The following SNX29 variants were observed in gnomAD, a reference collection of about 807,000 sequenced individuals.
SNX29 encodes sorting nexin 29, also known as sorting nexin-29.
A neutral mutation model predicts 102.1 loss-of-function variants in SNX29; 78 were observed. The ratio of observed to expected loss-of-function variants is 0.76; its 90% CI spans 0.64 to 0.92. The LOEUF (loss-of-function observed/expected upper bound fraction) is 0.92, where lower values mean the gene tolerates loss of function less well. Among genes scored for constraint, SNX29 ranks in the 40% least tolerant of loss-of-function variants. SNX29 has a pLI of 0.00. For missense variants in SNX29, 1,280 were observed against 1,061.7 expected, an observed-to-expected ratio of 1.21 and a Z score of -2.86; for synonymous variants, 580 against 414.5, an observed-to-expected ratio of 1.40 and a Z score of -4.85.
At chr16:12,422,745 C>G (rs1023042048) in intron 18 of SNX29, among the ~76,000 whole-genome samples, 1 of 152,214 alleles carries the variant, frequency 6.6e-6, no homozygotes. Context: ...CTCTCCCAGC[C>G]CCTGAGAAGA....
chr16:12,192,516 A>AT (rs2076668458), intron 13 of SNX29, among the ~76,000 whole-genome samples: 2 of 151,180 alleles, frequency 1.3e-5, no homozygotes, highest in African/African-American at 2.4e-5. Flanking sequence ...TTTTTAATTT[A>AT]TTTTTTTGTT....
At chr16:12,434,659 C>T (rs1008102698) in intron 18 of SNX29, among the ~76,000 whole-genome samples, 1 of 152,170 alleles carries the variant, frequency 6.6e-6, no homozygotes, top group Non-Finnish European at 1.5e-5. Flanking sequence ...GACCCGCCAA[C>T]ACCCCTGCAC....
At chr16:12,440,306 G>T (rs527238452) in intron 18 of SNX29, among the ~76,000 whole-genome samples, 32 of 152,216 alleles carry the variant, frequency 2.1e-4, no homozygotes, top group Non-Finnish European at 3.4e-4. Context: ...ACAAGATTAC[G>T]CAACCATCAC....
chr16:12,009,872 C>T (rs1337470006), intron 3 of SNX29, among the ~76,000 whole-genome samples: 3 of 152,176 alleles, frequency 2.0e-5, no homozygotes, highest in Non-Finnish European at 2.9e-5. Context: ...AGACTAGAAA[C>T]GTGATTGTTC....
At position 12,398,036 on chromosome 16, in the gene SNX29, C is replaced by T. The variant is rs151295629; in HGVS notation, c.1900-410C>T. ...GGAGCCCTTGTGGGGGTGACATTGG[C>T]CTTTTGTGTTTACCTACTGGGTGTG... is the stretch of plus-strand genomic sequence containing the variant. On this transcript the variant is annotated intron_variant, in intron 16 of 20. Coordinates refer to ENST00000566228, the MANE Select transcript of SNX29 (RefSeq NM_032167.5). Among the ~76,000 whole-genome samples, 385 of 152,238 alleles carry T rather than the reference C, an allele frequency of 2.5e-3. 1 individual carries two copies. The highest frequency in any genetic ancestry group is 8.9e-3 in the African/African-American group (370 of 41,540).
chr16:12,276,138 C>T (rs138552578), intron 14 of SNX29, among the ~76,000 whole-genome samples: 1 of 152,224 alleles, frequency 6.6e-6, no homozygotes, highest in Non-Finnish European at 1.5e-5. Flanking sequence ...AGTGATCCAC[C>T]CGCCTTGGCC....
At chr16:12,534,976 C>G (rs929887956) in intron 20 of SNX29, among the ~76,000 whole-genome samples, 1 of 152,160 alleles carries the variant, frequency 6.6e-6, no homozygotes, top group Non-Finnish European at 1.5e-5. Context: ...ACCTGAACGT[C>G]ATTAGTGTGA....
intron 19 of SNX29, among the ~76,000 whole-genome samples, chr16:12,520,450 C>G (rs372290837): frequency 3.3e-5 from 5 of 152,150 alleles, no homozygotes; most frequent in African/African-American, 1.2e-4. Flanking sequence ...TAGTCTTGAC[C>G]CTTTGTGCAA....
At chr16:12,350,067 C>T (rs531060560) in intron 15 of SNX29, among the ~76,000 whole-genome samples, 3 of 152,202 alleles carry the variant, frequency 2.0e-5, no homozygotes, top group Non-Finnish European at 4.4e-5. Context: ...AGGTGGCACA[C>T]CCACACCAGT....
At chr16:12,318,093 G>T (rs1195395523) in intron 15 of SNX29, among the ~76,000 whole-genome samples, 2 of 152,256 alleles carry the variant, frequency 1.3e-5, no homozygotes, top group African/African-American at 4.8e-5. Context: ...TGCTGTGACT[G>T]AGACATCCTT....
intron 14 of SNX29, among the ~76,000 whole-genome samples, chr16:12,262,285 G>A (rs2078797954): frequency 1.3e-5 from 2 of 152,182 alleles, no homozygotes. Flanking sequence ...TGATAAATGA[G>A]GAGACCCAGG....
Position 12,572,262 on chromosome 16 carries a change from G to A in SNX29, c.*3633G>A, listed in dbSNP as rs974701114. On this transcript the variant is annotated 3_prime_UTR_variant, in exon 21 of 21. Coordinates refer to ENST00000566228, the MANE Select transcript of SNX29 (RefSeq NM_032167.5). ...CACCAGGTGGATTGATACCATGGCTGTAGCTGATGCAACTAACAAGTACTG... is the reference window on the plus strand; with the variant it reads ...CACCAGGTGGATTGATACCATGGCTATAGCTGATGCAACTAACAAGTACTG... The A allele has an allele frequency of 1.9e-6, 2 of 1,058,282 alleles. No individual in the cohort carries two copies. Among genetic ancestry groups the A allele is most frequent in the Non-Finnish European group, 2.3e-6 (2 of 873,618 alleles). The allele number at this position is 1,058,282 out of a possible 1,614,324, so 65.6% of individuals were successfully genotyped here.
intron 1 of SNX29, among the ~76,000 whole-genome samples, chr16:11,997,566 C>G (rs1179681451): frequency 6.6e-6 from 1 of 152,048 alleles, no homozygotes; most frequent in Non-Finnish European, 1.5e-5. Context: ...CAGCCATTGC[C>G]TCCTGGGTTC....
intron 15 of SNX29, among the ~76,000 whole-genome samples, chr16:12,321,652 G>C (rs956102182): frequency 2.0e-5 from 3 of 152,188 alleles, no homozygotes; most frequent in Non-Finnish European, 4.4e-5. Flanking sequence ...TGGGCTGAAA[G>C]CGCACGCTGG....
Position 12,421,508 on chromosome 16 carries a change from A to G in SNX29, c.2037+17979A>G, listed in dbSNP as rs1246815821. 8.5e-5 allele frequency among the ~76,000 whole-genome samples: 13 copies of G among 152,224 alleles called. No individual in the cohort carries two copies. The South Asian group carries it at 2.7e-3, about 32-fold the overall frequency. The stretch of plus-strand genomic sequence containing the variant: ...CTTGATTTGATTTCCCTTAACACAT[A>G]TAGGGTGTTCAAGGAAAACACTGGC... On this transcript the variant is annotated intron_variant, in intron 18 of 20. Coordinates refer to ENST00000566228, the MANE Select transcript of SNX29 (RefSeq NM_032167.5).
At chr16:12,562,508 C>G (rs1259429868) in intron 20 of SNX29, among the ~76,000 whole-genome samples, 4 of 152,138 alleles carry the variant, frequency 2.6e-5, no homozygotes, top group Admixed American at 1.3e-4. Flanking sequence ...GTGAGCAGCC[C>G]AAGTACACCT....
intron 6 of SNX29, among the ~76,000 whole-genome samples, chr16:12,047,651 C>CTTTTTTTT (rs376623418): frequency 7.9e-6 from 1 of 126,618 alleles, no homozygotes; most frequent in Non-Finnish European, 1.6e-5. Flanking sequence ...GGACCAAGGT[C>CTTTTTTTT]TTTTTTTTTT....
chr16:12,197,896 T>C (rs1002169922), intron 13 of SNX29, among the ~76,000 whole-genome samples: 3 of 150,268 alleles, frequency 2.0e-5, no homozygotes, highest in African/African-American at 7.4e-5. Flanking sequence ...AGAAGCAAAA[T>C]ACAAAGAAAG....
intron 5 of SNX29, among the ~76,000 whole-genome samples, chr16:12,045,465 A>T (rs1165718133): frequency 6.6e-6 from 1 of 151,874 alleles, no homozygotes; most frequent in Non-Finnish European, 1.5e-5. Context: ...TGGACCATTT[A>T]TTGGCCAGAT....
Sources: gnomAD v4.1 joint callset for allele counts (sites outside exome capture counted in the v4.1 genomes callset) on GRCh38, gnomAD v4.1.1 for gene constraint, MANE v1.5 for transcripts, NCBI Gene and HGNC (gene_info 2026-07-23, HGNC 2026-07-21) for gene names.